FAM120B: variants seen among roughly 807,000 people sequenced by gnomAD.
FAM120B encodes family with sequence similarity 120 member B.
A neutral mutation model predicts 96.3 loss-of-function variants in FAM120B; 83 were observed. The ratio of observed to expected loss-of-function variants is 0.86; its 90% CI spans 0.72 to 1.03. The LOEUF is 1.03. Ranked by LOEUF, FAM120B falls within the 50% of genes least tolerant of loss-of-function variation. The probability of loss-of-function intolerance (pLI) is 0.00; values close to 1 mark genes in which losing one functional copy is unlikely to be tolerated. For synonymous variants in FAM120B, 407 were observed against 402.7 expected (o/e 1.01, Z -0.13); for missense variants, 1,027 against 1,121.2 (o/e 0.92, Z 1.20).
chr6:170,335,084 G>C (rs1157383302), intron 4 of FAM120B, among the ~76,000 whole-genome samples: 1 of 150,304 alleles, frequency 6.7e-6, no homozygotes, highest in Non-Finnish European at 1.5e-5. Context: ...TACATGTGCA[G>C]AACTTGCAGG....
chr6:170,385,452 G>T (rs1790132856), intron 6 of FAM120B, among the ~76,000 whole-genome samples: 1 of 152,158 alleles, frequency 6.6e-6, no homozygotes, highest in African/African-American at 2.4e-5. Flanking sequence ...GTGGTAGGTA[G>T]GAAGGAAATA....
At chr6:170,359,883 A>C (rs79792646) in intron 6 of FAM120B, among the ~76,000 whole-genome samples, 1,680 of 152,298 alleles carry the variant, frequency 0.011, 11 homozygotes, top group Non-Finnish European at 0.014. Flanking sequence ...CCATTAAGCA[A>C]AAACAGAATT....
At chr6:170,306,652 C>G (rs1784299449), upstream of FAM120B, 1 of 152,278 alleles carries the variant, frequency 6.6e-6, no homozygotes, top group South Asian at 2.1e-4. Context: ...TCTCCCCGCC[C>G]AACCCACGAC....
At chr6:170,352,191 G>A (rs1417281319) in intron 5 of FAM120B, among the ~76,000 whole-genome samples, 5 of 152,128 alleles carry the variant, frequency 3.3e-5, no homozygotes, top group Non-Finnish European at 7.4e-5. Context: ...AAAAAGACAA[G>A]AGTATTACAT....
At position 170,317,754 on chromosome 6, in the gene FAM120B, C is replaced by T; in HGVS notation, c.364C>T (p.His122Tyr). 6.2e-7 allele frequency: 1 copy of T among 1,614,158 alleles called. No homozygotes were observed. Among genetic ancestry groups the T allele is most frequent in the Non-Finnish European group, 8.5e-7 (1 of 1,180,002 alleles). ...ISRIFHYIKS[H>Y]KEQPGRNMFF... ...CAGGATTTTTCATTACATCAAGTCACACAAGGAGCAGCCAGGCAGAAATAT... is the reference window on the plus strand; with the variant it reads ...CAGGATTTTTCATTACATCAAGTCATACAAGGAGCAGCCAGGCAGAAATAT... The change falls in exon 2 of 11, where the codon CAC (histidine) becomes TAC (tyrosine). Residue 122 changes from histidine (H) to tyrosine (Y), a missense_variant. Coordinates refer to ENST00000476287, the MANE Select transcript of FAM120B (RefSeq NM_032448.3).
At chr6:170,359,566 C>T (rs1788202638) in intron 6 of FAM120B, among the ~76,000 whole-genome samples, 1 of 152,072 alleles carries the variant, frequency 6.6e-6, no homozygotes, top group Admixed American at 6.6e-5. Flanking sequence ...CAGGCATGCA[C>T]CACCCTGGCT....
chr6:170,390,802 G>A (rs1790440244), intron 7 of FAM120B, among the ~76,000 whole-genome samples: 1 of 152,212 alleles, frequency 6.6e-6, no homozygotes, highest in Non-Finnish European at 1.5e-5. Context: ...GGATTTAGGA[G>A]AATATGTTCT....
At chr6:170,395,607 G>A in intron 9 of FAM120B, 28 bp downstream of exon 9, 1 of 1,512,368 alleles carries the variant, frequency 6.6e-7, no homozygotes, top group South Asian at 1.2e-5. Context: ...CACTCTGCTG[G>A]GCCACCTGCA....
At chr6:170,349,646 G>A (rs767514918) in intron 5 of FAM120B, among the ~76,000 whole-genome samples, 6 of 152,124 alleles carry the variant, frequency 3.9e-5, no homozygotes, top group Non-Finnish European at 5.9e-5. Context: ...TGCTCAAGAC[G>A]TAGCAGATTA....
chr6:170,367,134 A>C lies in FAM120B; in HGVS notation c.2283+8816A>C, dbSNP rs1471459220. Reference sequence around the variant, plus strand: ...CTATAAAACTCACCAGTAGAAGTTGAAAATAAAAATAATTCTATGCCATTG... The same window carrying C: ...CTATAAAACTCACCAGTAGAAGTTGCAAATAAAAATAATTCTATGCCATTG... On this transcript the variant is annotated intron_variant, in intron 6 of 10. Coordinates refer to ENST00000476287, the MANE Select transcript of FAM120B (RefSeq NM_032448.3). Among the ~76,000 whole-genome samples the C allele has an allele frequency of 4.6e-5, 7 of 152,236 alleles. No homozygotes were observed. In the East Asian group the frequency reaches 1.3e-3, roughly 29 times the overall value.
chr6:170,352,059 GAC>G (rs1008350881), intron 5 of FAM120B, among the ~76,000 whole-genome samples: 1 of 152,182 alleles, frequency 6.6e-6, no homozygotes, highest in African/African-American at 2.4e-5. Context: ...CATGTGCAGA[GAC>G]ACACATGGGC....
rs538594079 is a variant in FAM120B, at chr6:170,394,356, T to C, written c.2600-1131T>C. 2.6e-4 allele frequency among the ~76,000 whole-genome samples: 40 copies of C among 152,364 alleles called. 1 individual carries two copies. Among genetic ancestry groups the C allele is most frequent in the Non-Finnish European group, 5.0e-4 (34 of 68,034 alleles). On this transcript the variant is annotated intron_variant, in intron 8 of 10. Transcript: ENST00000476287. ...GGTGATGTGATGAGAAATCTGTTAG[T>C]TCAGGACCTGTATCTGGGCCCCAGA...
chr6:170,356,171 C>A (rs767712646), intron 5 of FAM120B, among the ~76,000 whole-genome samples: 5 of 152,108 alleles, frequency 3.3e-5, no homozygotes, highest in Non-Finnish European at 7.3e-5. Context: ...GCAAGACAAG[C>A]GTCAGGAAGA....
At chr6:170,349,207 G>T (rs1787416678) in intron 5 of FAM120B, among the ~76,000 whole-genome samples, 1 of 152,124 alleles carries the variant, frequency 6.6e-6, no homozygotes, top group South Asian at 2.1e-4. Flanking sequence ...TTGACAAAGT[G>T]TCTACTTCTT....
At chr6:170,332,903 G>GTTCT (rs1452537452) in intron 4 of FAM120B, among the ~76,000 whole-genome samples, 3 of 151,904 alleles carry the variant, frequency 2.0e-5, no homozygotes, top group Non-Finnish European at 4.4e-5. Flanking sequence ...AGTGGCCCAT[G>GTTCT]TTCTTTCTTT....
At chr6:170,404,402 C>T (rs562581627) in intron 9 of FAM120B, 148 bp from the exon 10 acceptor site, 49 of 606,458 alleles carry the variant, frequency 8.1e-5, no homozygotes, top group Admixed American at 1.8e-4. Context: ...GTTTTAATGG[C>T]ATGTGGCCAC....
At chr6:170,394,435 G>A (rs9295401) in intron 8 of FAM120B, among the ~76,000 whole-genome samples, 14,492 of 145,360 alleles carry the variant, frequency 0.1, 341 homozygotes, top group African/African-American at 0.16. Flanking sequence ...ACAAGGCCAC[G>A]CCTCCGTGGA....
At chr6:170,306,000 G>C (rs753614107), upstream of FAM120B, among the ~76,000 whole-genome samples, 10 of 152,192 alleles carry the variant, frequency 6.6e-5, no homozygotes, top group Non-Finnish European at 1.3e-4. Context: ...ATCCACAGCA[G>C]CCACTGGAAT....
In FAM120B at chr6:170,363,441, C is replaced by T. The variant is rs371363150; in HGVS notation, c.2283+5123C>T. 6.6e-6 allele frequency among the ~76,000 whole-genome samples: 1 copy of T among 152,256 alleles called. No individual in the cohort carries two copies. Among genetic ancestry groups the T allele is most frequent in the African/African-American group, 2.4e-5 (1 of 41,470 alleles). On this transcript the variant is annotated intron_variant, in intron 6 of 10. Coordinates refer to ENST00000476287, the MANE Select transcript of FAM120B (RefSeq NM_032448.3). The surrounding 1 kb of genome is among the most constrained non-coding windows in gnomAD (Gnocchi z 4.5). ...CAAGTCACACCTGTGTCAGCAGCAT[C>T]GTCCTCTGCCTTGTACAGCACAGCT...
Sources: allele counts gnomAD v4.1 joint callset (sites outside exome capture counted in the v4.1 genomes callset), GRCh38; gene constraint gnomAD v4.1.1; non-coding constraint Gnocchi (gnomAD v3.1); transcripts MANE v1.5; gene names NCBI Gene and HGNC (gene_info 2026-07-23, HGNC 2026-07-21).